The following SMAD4 variants were observed in gnomAD, a reference collection of about 807,000 sequenced individuals.
The protein encoded by SMAD4 is MAD homolog 4.
In SMAD4, 7 loss-of-function variants were observed where a neutral mutation model predicts 63.2. The ratio of observed to expected loss-of-function variants is 0.11; its 90% CI spans 0.06 to 0.21. SMAD4 has a LOEUF of 0.21. Among genes scored for constraint, SMAD4 ranks in the 10% least tolerant of loss-of-function variants. SMAD4 has a pLI of 1.00. For synonymous variants in SMAD4, 215 were observed against 235.4 expected (o/e 0.91, Z 0.79); for missense variants, 312 against 693.8 (o/e 0.45, Z 6.18).
At chr18:51,072,315 G>A (rs1910338908) in intron 10 of SMAD4, among the ~76,000 whole-genome samples, 1 of 152,094 alleles carries the variant, frequency 6.6e-6, no homozygotes, top group Non-Finnish European at 1.5e-5. Context: ...TCTTATTGTG[G>A]TAGTTTTGAT....
chr18:51,083,920 A>C lies in SMAD4; in HGVS notation c.*5453A>C, dbSNP rs978024109. On this transcript the variant is annotated 3_prime_UTR_variant, in exon 12 of 12. Transcript: ENST00000342988. The stretch of plus-strand genomic sequence containing the variant: ...TGTTCTTTTATGGACAAAAGGTTAC[A>C]TAGTATGCCCTTAAGACTTAATTTT... The C allele has an allele frequency of 1.7e-5, 4 of 231,200 alleles. No individual in the cohort carries two copies. The East Asian group carries it at 2.4e-4, about 14-fold the overall frequency. 14.3% of individuals were successfully genotyped at this position (231,200 alleles called of 1,614,324 possible).
chr18:51,058,304 A>G, intron 6 of SMAD4, 36 bp from the exon 7 acceptor site: 4 of 1,610,886 alleles, frequency 2.5e-6, no homozygotes, highest in Non-Finnish European at 3.4e-6. Flanking sequence ...CAGCCTTTAT[A>G]AAAGCAAATT....
Position 51,058,217 on chromosome 18 carries a change from A to G in SMAD4, c.760A>G (p.Thr254Ala), listed in dbSNP as rs1284924848. The G allele has an allele frequency of 6.2e-7, 1 of 1,614,224 alleles. No homozygotes were observed. The highest frequency in any genetic ancestry group is 8.5e-7 in the Non-Finnish European group (1 of 1,180,036). ...GCCAGGACAGCAGCAGAATGGATTT[A>G]CTGGTCAGCCAGCTACTTACCATCA... ...PQPGQQQNGF[T>A]GQPATYHHNS... The change falls in exon 6 of 12, where the codon ACT (threonine) becomes GCT (alanine). Residue 254 changes from threonine to alanine, a missense_variant. Physicochemically the swap from Thr to Ala is moderately conservative, Grantham distance 58 (BLOSUM62 0). Coordinates refer to ENST00000342988, the MANE Select transcript of SMAD4 (RefSeq NM_005359.6).
At chr18:51,074,521 A>G (rs1910420840) in intron 10 of SMAD4, among the ~76,000 whole-genome samples, 1 of 152,146 alleles carries the variant, frequency 6.6e-6, no homozygotes, top group African/African-American at 2.4e-5. Context: ...GGTGATAATG[A>G]TGTGTCAGTG....
At chr18:51,073,404 C>A (rs867115520) in intron 10 of SMAD4, among the ~76,000 whole-genome samples, 2 of 134,080 alleles carry the variant, frequency 1.5e-5, no homozygotes, top group East Asian at 2.2e-4. Context: ...CACACACACA[C>A]ACACACACAC....
chr18:51,031,488 A>C (rs1599170378), intron 1 of SMAD4, among the ~76,000 whole-genome samples: 2 of 152,324 alleles, frequency 1.3e-5, no homozygotes, highest in Admixed American at 1.3e-4. Context: ...TTAGTTTCTT[A>C]ATGCATTTAG....
rs1191796141 is a variant in SMAD4 at position 51,080,083 on chromosome 18, C to G, written c.*1616C>G. On this transcript the variant is annotated 3_prime_UTR_variant, in exon 12 of 12. Coordinates refer to ENST00000342988, the MANE Select transcript of SMAD4 (RefSeq NM_005359.6). ...TGAAATAAAATCAAGGATTATCTTT[C>G]AGATGTGTTTACTTTTGCCTGGAGA... 2 of 225,892 alleles carry G rather than the reference C, an allele frequency of 8.9e-6. No individual in the cohort carries two copies. Among genetic ancestry groups the G allele is most frequent in the Non-Finnish European group, 1.8e-5 (2 of 113,588 alleles). 14.0% of individuals were successfully genotyped at this position (225,892 alleles called of 1,614,324 possible). A position where few individuals can be genotyped will look rare whatever the true frequency, so the allele number is the denominator to read the frequency against.
chr18:51,033,378 C>G (rs1251637339), intron 1 of SMAD4, among the ~76,000 whole-genome samples: 1 of 152,054 alleles, frequency 6.6e-6, no homozygotes, highest in Non-Finnish European at 1.5e-5. Flanking sequence ...TTAGTAGAGA[C>G]GAGGTTTCGC....
At chr18:51,050,407 C>T (rs913512620) in intron 4 of SMAD4, among the ~76,000 whole-genome samples, 8 of 150,512 alleles carry the variant, frequency 5.3e-5, no homozygotes, top group East Asian at 2.0e-4. Context: ...CTCCTGTAAT[C>T]GCAGCACTTT....
rs547861295 is a variant in SMAD4 at position 51,057,415 on chromosome 18, A to G, written c.668-710A>G. ...CCAAGAGAAGCTTGATTCTCTTGGTATATTACATACAGAGAGGGCAATTAA... is the reference window on the plus strand; with the variant it reads ...CCAAGAGAAGCTTGATTCTCTTGGTGTATTACATACAGAGAGGGCAATTAA... On this transcript the variant is annotated intron_variant, in intron 5 of 11. Transcript: ENST00000342988. Among the ~76,000 whole-genome samples, 9 of 152,306 alleles carry G rather than the reference A, an allele frequency of 5.9e-5. No individual in the cohort carries two copies. In the South Asian group the frequency reaches 1.4e-3, roughly 25 times the overall value.
At chr18:51,034,205 C>T (rs999234505) in intron 1 of SMAD4, among the ~76,000 whole-genome samples, 9 of 149,728 alleles carry the variant, frequency 6.0e-5, no homozygotes, top group African/African-American at 9.8e-5. Flanking sequence ...CTCCTGTCTC[C>T]CTCCCTCCCT....
chr18:51,066,786 G>C (rs550936243), intron 9 of SMAD4: 1 of 489,722 alleles, frequency 2.0e-6, no homozygotes, highest in South Asian at 2.3e-5. Context: ...GGTTTAATGA[G>C]AATTCATACT....
chr18:51,060,712 C>T (rs1044906665), intron 8 of SMAD4, among the ~76,000 whole-genome samples: 24 of 152,130 alleles, frequency 1.6e-4, no homozygotes, highest in Admixed American at 7.2e-4. Context: ...CAGATTACTA[C>T]AGCCTTGACC....
In SMAD4 at chr18:51,049,569, T is replaced by C. The variant is rs1909646690; in HGVS notation, c.454+245T>C. On this transcript the variant is annotated intron_variant, in intron 4 of 11. Coordinates refer to ENST00000342988, the MANE Select transcript of SMAD4 (RefSeq NM_005359.6). ...TGAACTAAAGTACTGTAAAAAAATA[T>C]GATAGAGGAATGCACCAAAAACAAA... 1.1e-5 allele frequency: 5 copies of C among 475,046 alleles called. 1 individual carries two copies. Among genetic ancestry groups the C allele is most frequent in the East Asian group, 9.8e-5 (3 of 30,748 alleles). The allele number at this position is 475,046 out of a possible 1,614,324, so 29.4% of individuals were successfully genotyped here.
In SMAD4 at chr18:51,084,300, G is replaced by A. The variant is rs190039588; in HGVS notation, c.*5833G>A. The A allele has an allele frequency of 6.2e-5, 14 of 226,846 alleles. No individual in the cohort carries two copies. Among genetic ancestry groups the A allele is most frequent in the African/African-American group, 1.3e-4 (6 of 44,730 alleles). The allele number at this position is 226,846 out of a possible 1,614,324, so 14.1% of individuals were successfully genotyped here. A position where few individuals can be genotyped will look rare whatever the true frequency, so the allele number is the denominator to read the frequency against. ...CAAAACAAGGAAATTCCCTTGAACC[G>A]TGTCAATTAAACTGGTTTATATGAC... On this transcript the variant is annotated 3_prime_UTR_variant, in exon 12 of 12. Coordinates refer to ENST00000342988, the MANE Select transcript of SMAD4 (RefSeq NM_005359.6).
intron 1 of SMAD4, among the ~76,000 whole-genome samples, chr18:51,045,833 C>T (rs1464219737): frequency 1.3e-5 from 2 of 152,124 alleles, no homozygotes; most frequent in Non-Finnish European, 2.9e-5. Context: ...GATTTACTTT[C>T]TGTCTCTGTG....
At chr18:51,032,290 G>A (rs1909075008) in intron 1 of SMAD4, among the ~76,000 whole-genome samples, 1 of 150,938 alleles carries the variant, frequency 6.6e-6, no homozygotes, top group Non-Finnish European at 1.5e-5. Context: ...TTTTATTTTT[G>A]AAGTGGGAGT....
At chr18:51,076,580 T>A in intron 10 of SMAD4, 58 bp from the exon 11 acceptor site, 1 of 1,529,526 alleles carries the variant, frequency 6.5e-7, no homozygotes, top group Non-Finnish European at 9.0e-7. Context: ...GGCATTGGTT[T>A]TTAATGTATG....
chr18:51,056,524 C>G (rs1034230793), intron 5 of SMAD4, among the ~76,000 whole-genome samples: 14 of 147,176 alleles, frequency 9.5e-5, no homozygotes, highest in African/African-American at 3.3e-4. Flanking sequence ...GGGGCTGAGG[C>G]AGGAGAAATG....
Sources: gnomAD v4.1 joint callset for allele counts (sites outside exome capture counted in the v4.1 genomes callset) on GRCh38, gnomAD v4.1.1 for gene constraint, MANE v1.5 for transcripts, NCBI Gene and HGNC (gene_info 2026-07-23, HGNC 2026-07-21) for gene names.